Variants in TMC5 observed in about 807,000 individuals in gnomAD.
The protein encoded by TMC5 is transmembrane channel like 5, also known as transmembrane channel-like protein 5.
Under a neutral mutation model 110.5 loss-of-function variants are expected in TMC5, and 86 were observed. The ratio of observed to expected loss-of-function variants is 0.78; its 90% CI spans 0.65 to 0.93. TMC5 has a LOEUF of 0.93. TMC5 is among the 40% of genes least tolerant of loss of function. The pLI, the probability that TMC5 is intolerant of heterozygous loss-of-function variation, is 0.00. For synonymous variants in TMC5, 455 were observed against 439.5 expected (o/e 1.04, Z -0.44); for missense variants, 1,144 against 1,222.8 (o/e 0.94, Z 0.96).
rs369144224 is a variant in TMC5, at chr16:19,451,783, C to T, written c.1048+2152C>T. On this transcript the variant is annotated intron_variant, in intron 5 of 21. Transcript: ENST00000542583. The stretch of plus-strand genomic sequence containing the variant: ...TCAGACCCCAGCCACATGTCCAGGC[C>T]GCCGGAACTTTTTCTTTTTATTATT... Among the ~76,000 whole-genome samples the T allele has an allele frequency of 3.3e-5, 5 of 151,404 alleles. No homozygotes were observed. The East Asian group carries it at 5.8e-4, about 18-fold the overall frequency.
At chr16:19,436,875 A>G (rs1351965439) in intron 2 of TMC5, among the ~76,000 whole-genome samples, 6 of 152,146 alleles carry the variant, frequency 3.9e-5, no homozygotes, top group Non-Finnish European at 7.3e-5. Flanking sequence ...TGGCAGCTTC[A>G]GGTTTAAAAT....
At chr16:19,425,151 T>C (rs60432736) in intron 1 of TMC5, among the ~76,000 whole-genome samples, 7,680 of 152,234 alleles carry the variant, frequency 0.05, 285 homozygotes, top group African/African-American at 0.11. Flanking sequence ...ACCAAAGATA[T>C]ATTTCTTATC....
At position 19,498,967 on chromosome 16, in the gene TMC5, A is replaced by G. The variant is rs2521792; in HGVS notation, c.*1001A>G. On this transcript the variant is annotated 3_prime_UTR_variant, in exon 22 of 22. Coordinates refer to ENST00000542583, the MANE Select transcript of TMC5 (RefSeq NM_001261841.2). ...TCCCAGCTACTCGGGAGGCTGAGGC[A>G]GGAGAATTGCTTGAACCTGGGAGGC... 15,476 of 152,230 alleles carry G rather than the reference A, an allele frequency of 0.1. 875 individuals carry two copies. The highest frequency in any genetic ancestry group is 0.16 in the African/African-American group (6,461 of 41,506). The allele number at this position is 152,230 out of a possible 1,614,324, so 9.4% of individuals were successfully genotyped here.
chr16:19,469,543 C>A (rs551954710), intron 9 of TMC5, 138 bp from the exon 10 acceptor site: 2 of 1,046,278 alleles, frequency 1.9e-6, no homozygotes, highest in Non-Finnish European at 2.8e-6. Context: ...GTGACCACAC[C>A]GCTCCAGGCC....
chr16:19,434,335 A>C (rs1319805957), intron 2 of TMC5, among the ~76,000 whole-genome samples: 2 of 125,306 alleles, frequency 1.6e-5, no homozygotes, highest in Non-Finnish European at 1.6e-5. Context: ...ATCTATATAT[A>C]ATATATATTA....
chr16:19,463,706 T>C, intron 7 of TMC5, 70 bp from the exon 8 acceptor site: 2 of 1,555,290 alleles, frequency 1.3e-6, no homozygotes, highest in Non-Finnish European at 1.7e-6. Flanking sequence ...TTTCTGTTAT[T>C]ATGGCACCTG....
Position 19,440,305 on chromosome 16 carries a change from T to C in TMC5, c.267T>C (p.Asn89=). ...CAGACTATTCTGGCACCAGAAGCAA[T>C]GCATACTCTGCAGCCTCTAGAACAA... ...SNPDYSGTRS[N]AYSAASRTSP... The change falls in exon 3 of 22, where the codon AAT becomes AAC. Residue 89 remains asparagine, a synonymous_variant. Coordinates refer to ENST00000542583, the MANE Select transcript of TMC5 (RefSeq NM_001261841.2). The C allele has an allele frequency of 1.2e-6, 2 of 1,614,096 alleles. No homozygotes were observed. The highest frequency in any genetic ancestry group is 1.7e-6 in the Non-Finnish European group (2 of 1,180,018).
Position 19,430,659 on chromosome 16 carries a change from G to A in TMC5, c.-80+19G>A, listed in dbSNP as rs911645604. 1 of 152,074 alleles carries A rather than the reference G, an allele frequency of 6.6e-6. No homozygotes were observed. Among genetic ancestry groups the A allele is most frequent in the Non-Finnish European group, 1.5e-5 (1 of 68,008 alleles). The allele number at this position is 152,074 out of a possible 1,614,324, so 9.4% of individuals were successfully genotyped here. A position where few individuals can be genotyped will look rare whatever the true frequency, so the allele number is the denominator to read the frequency against. Reference sequence around the variant, plus strand: ...CAAAAAAGTAAGTTTTCATACAGCTGAATTTATTCGGTTAAATAAACTACC... The same window carrying A: ...CAAAAAAGTAAGTTTTCATACAGCTAAATTTATTCGGTTAAATAAACTACC... On this transcript the variant is annotated intron_variant, in intron 2 of 21. Transcript: ENST00000542583.
intron 5 of TMC5, among the ~76,000 whole-genome samples, chr16:19,458,931 T>TC (rs1967952775): frequency 6.6e-6 from 1 of 152,196 alleles, no homozygotes; most frequent in South Asian, 2.1e-4. Flanking sequence ...CGGCACGGTA[T>TC]CGCTGCCCCG....
chr16:19,497,866 A>C, intron 21 of TMC5, 54 bp from the exon 22 acceptor site: 9 of 1,550,362 alleles, frequency 5.8e-6, no homozygotes, highest in Non-Finnish European at 7.1e-6. Flanking sequence ...TTTCCCTTGT[A>C]GAGATGGGGC....
chr16:19,445,424 GA>G (rs1307101396), intron 4 of TMC5, among the ~76,000 whole-genome samples: 1 of 151,954 alleles, frequency 6.6e-6, no homozygotes, highest in Admixed American at 6.6e-5. Flanking sequence ...TTATGCTTGA[GA>G]AAGATGGGGT....
intron 1 of TMC5, among the ~76,000 whole-genome samples, chr16:19,419,482 G>C (rs375086445): frequency 1.6e-5 from 2 of 128,446 alleles, no homozygotes; most frequent in African/African-American, 2.9e-5. Context: ...GTGCGATCTC[G>C]GCGCATTGCA....
intron 5 of TMC5, among the ~76,000 whole-genome samples, chr16:19,455,276 C>T (rs1274970092): frequency 2.0e-5 from 3 of 151,534 alleles, no homozygotes; most frequent in African/African-American, 2.4e-5. Context: ...GGTGAAACCT[C>T]GTCTCTACAA....
intron 6 of TMC5, chr16:19,462,710 G>C (rs1377040157): frequency 2.0e-6 from 1 of 512,406 alleles, no homozygotes; most frequent in Non-Finnish European, 3.5e-6. Context: ...GACCAGCCTG[G>C]CCAACATGGT....
At chr16:19,453,449 C>G (rs1967794787) in intron 5 of TMC5, among the ~76,000 whole-genome samples, 1 of 151,962 alleles carries the variant, frequency 6.6e-6, no homozygotes, top group Non-Finnish European at 1.5e-5. Flanking sequence ...GTTAGCTGGG[C>G]ATGGTGGTAC....
At chr16:19,494,623 A>G (rs895821406) in intron 20 of TMC5, among the ~76,000 whole-genome samples, 17 of 152,202 alleles carry the variant, frequency 1.1e-4, no homozygotes, top group African/African-American at 4.1e-4. Context: ...CCTGGCCAAT[A>G]TGGTGAAACC....
chr16:19,427,696 A>C (rs1291109544), intron 1 of TMC5, among the ~76,000 whole-genome samples: 1 of 151,802 alleles, frequency 6.6e-6, no homozygotes, highest in Non-Finnish European at 1.5e-5. Context: ...AGTCTTGTAC[A>C]TTTTAGGATG....
chr16:19,487,538 C>T (rs372655078), intron 17 of TMC5, among the ~76,000 whole-genome samples: 86 of 151,964 alleles, frequency 5.7e-4, no homozygotes, highest in African/African-American at 2.0e-3. Context: ...CCTGTCTCTA[C>T]TAAAAATACA....
intron 3 of TMC5, 37 bp from the exon 4 acceptor site, chr16:19,444,044 T>C (rs1239282763): frequency 6.3e-7 from 1 of 1,596,096 alleles, no homozygotes. Context: ...CTTACTATAC[T>C]CTTGGTTGGA....
Sources: gnomAD v4.1 joint callset for allele counts (sites outside exome capture counted in the v4.1 genomes callset) on GRCh38, gnomAD v4.1.1 for gene constraint, MANE v1.5 for transcripts, NCBI Gene and HGNC (gene_info 2026-07-23, HGNC 2026-07-21) for gene names.